The following SERPINB1 variants were observed in gnomAD, a reference collection of about 807,000 sequenced individuals.
SERPINB1 encodes the protein leukocyte elastase inhibitor.
Under a neutral mutation model 25.9 loss-of-function variants are expected in SERPINB1, and 23 were observed. The ratio of observed to expected loss-of-function variants is 0.89; its 90% CI spans 0.64 to 1.26. The LOEUF is 1.26. Ranked by LOEUF, SERPINB1 falls within the 50% of genes most tolerant of loss-of-function variation. SERPINB1 has a pLI of 0.00. For missense variants in SERPINB1, 399 were observed against 463.6 expected (o/e 0.86, Z 1.28); for synonymous variants, 178 against 178.7 (o/e 1.00, Z 0.03).
chr6:2,838,022 A>AAT (rs753485744), intron 3 of SERPINB1, 23 bp from the exon 4 acceptor site: 70 of 1,482,260 alleles, frequency 4.7e-5, no homozygotes, highest in Admixed American at 2.4e-4. Flanking sequence ...AGGAAAAGGA[A>AAT]ATATATATAT....
rs746019772 is a variant in SERPINB1 at position 2,840,499 on chromosome 6, TGAA to T, written c.85_87del (p.Phe29del). On this transcript the variant is annotated inframe_deletion, in exon 2 of 7. Transcript: ENST00000380739. ...GCAGATGAAATGCTGAAGGGAGAGA[TGAA>T]GATGTTTCCAGCCGGATTGTTCTCA... The T allele has an allele frequency of 6.8e-6, 11 of 1,613,984 alleles. No individual in the cohort carries two copies. Among genetic ancestry groups the T allele is most frequent in the Non-Finnish European group, 8.5e-6 (10 of 1,179,996 alleles).
chr6:2,836,589 GA>G (rs997462656), intron 4 of SERPINB1, among the ~76,000 whole-genome samples: 5 of 128,782 alleles, frequency 3.9e-5, no homozygotes, highest in South Asian at 2.6e-4. Flanking sequence ...TTCTTTTTTA[GA>G]AAAAAAAAAT....
rs192546294 is a variant in SERPINB1, at chr6:2,838,023, A to G, written c.307-24T>C. The G allele has an allele frequency of 7.1e-4, 1,051 of 1,470,814 alleles. 5 individuals carry two copies. In the African/African-American group the frequency reaches 0.013, roughly 18 times the overall value. 91.1% of individuals were successfully genotyped at this position (1,470,814 alleles called of 1,614,324 possible). On this transcript the variant is annotated intron_variant, in intron 3 of 6. Coordinates refer to ENST00000380739, the MANE Select transcript of SERPINB1 (RefSeq NM_030666.4). The stretch of plus-strand genomic sequence containing the variant: ...TCCTATTAAAAAAAAGGAAAAGGAA[A>G]TATATATATAACTCCTACTACATAT...
chr6:2,839,494 CAG>C (rs1197954702), intron 2 of SERPINB1: 2 of 977,100 alleles, frequency 2.0e-6, no homozygotes, highest in Admixed American at 1.3e-4. Context: ...CAATTAGTAA[CAG>C]AGGTTTTTTT....
intron 2 of SERPINB1, among the ~76,000 whole-genome samples, 180 bp downstream of exon 2, chr6:2,840,239 G>T (rs897326890): frequency 6.6e-6 from 1 of 152,078 alleles, no homozygotes; most frequent in African/African-American, 2.4e-5. Context: ...AGGTACTTAG[G>T]AAAAACCTGA....
chr6:2,837,935 GCAT>G lies in SERPINB1; in HGVS notation c.368_370del (p.His123_Ala124delinsPro). Reference sequence around the variant, plus strand: ...TATGGTCTTCCTTGCATCTTCAGAGGCATGCTGAAAATCCACACTGGCCAGGTC... The same window carrying G: ...TATGGTCTTCCTTGCATCTTCAGAGGGCTGAAAATCCACACTGGCCAGGTC... On this transcript the variant is annotated inframe_deletion, in exon 4 of 7. Coordinates refer to ENST00000380739, the MANE Select transcript of SERPINB1 (RefSeq NM_030666.4). This position sits in a 1 kb window ranked among gnomAD's most constrained non-coding sequence, Gnocchi z 4.3. 1 of 1,613,898 alleles carries G rather than the reference GCAT, an allele frequency of 6.2e-7. No individual in the cohort carries two copies. The highest frequency in any genetic ancestry group is 8.5e-7 in the Non-Finnish European group (1 of 1,179,966).
Position 2,841,126 on chromosome 6 carries a change from A to C in SERPINB1, c.-8-532T>G, listed in dbSNP as rs1044201189. ...TCACTGTAATTATTATAATAATATA[A>C]TTCTTCCTTATTTTTGAGGTTCAAA... On this transcript the variant is annotated intron_variant, in intron 1 of 6. Coordinates refer to ENST00000380739, the MANE Select transcript of SERPINB1 (RefSeq NM_030666.4). This position sits in a 1 kb window ranked among gnomAD's most constrained non-coding sequence, Gnocchi z 4.5. 2 of 152,198 alleles carry C rather than the reference A, an allele frequency of 1.3e-5. No individual in the cohort carries two copies. The highest frequency in any genetic ancestry group is 4.8e-5 in the African/African-American group (2 of 41,438). The allele number at this position is 152,198 out of a possible 1,614,324, so 9.4% of individuals were successfully genotyped here.
chr6:2,836,708 G>A (rs1766503209), intron 4 of SERPINB1, among the ~76,000 whole-genome samples: 1 of 152,106 alleles, frequency 6.6e-6, no homozygotes, highest in Non-Finnish European at 1.5e-5. Context: ...GGCAGAACAA[G>A]ACCAAGCATG....
chr6:2,840,308 TA>T, intron 2 of SERPINB1, 110 bp downstream of exon 2: 1 of 1,299,194 alleles, frequency 7.7e-7, no homozygotes, highest in Non-Finnish European at 1.1e-6. Context: ...CTCATAAAAA[TA>T]CAGTTCTGAA....
intron 3 of SERPINB1, among the ~76,000 whole-genome samples, 189 bp from the exon 4 acceptor site, chr6:2,838,188 C>G (rs1766550341): frequency 6.6e-6 from 1 of 152,070 alleles, no homozygotes; most frequent in Non-Finnish European, 1.5e-5. Context: ...CGATCTTAGC[C>G]ACTTTTAACT....
rs1370789940 is a variant in SERPINB1 at position 2,836,153 on chromosome 6, T to C, written c.522A>G (p.Lys174=). The change falls in exon 5 of 7, where the codon AAA becomes AAG. Residue 174 remains lysine (K), a synonymous_variant. Coordinates refer to ENST00000380739, the MANE Select transcript of SERPINB1 (RefSeq NM_030666.4). ...CATTCGTCGTGGCTTCTTTCATGAATTTATCCTTCCAGTTTCCCTTGAAAT... is the reference window on the plus strand; with the variant it reads ...CATTCGTCGTGGCTTCTTTCATGAACTTATCCTTCCAGTTTCCCTTGAAAT... ...AIYFKGNWKD[K]FMKEATTNAP... is the part of the protein sequence containing the mutation. 6.2e-7 allele frequency: 1 copy of C among 1,614,046 alleles called. No homozygotes were observed. The highest frequency in any genetic ancestry group is 1.3e-5 in the African/African-American group (1 of 74,902).
At chr6:2,839,627 G>C (rs1177192751) in intron 2 of SERPINB1, among the ~76,000 whole-genome samples, 1 of 152,204 alleles carries the variant, frequency 6.6e-6, no homozygotes, top group Non-Finnish European at 1.5e-5. Flanking sequence ...AACAGGTGCA[G>C]TGTAATTTGC....
chr6:2,836,041 A>G lies in SERPINB1; in HGVS notation c.568-18T>C. 6.2e-7 allele frequency: 1 copy of G among 1,613,952 alleles called. No homozygotes were observed. Among genetic ancestry groups the G allele is most frequent in the Non-Finnish European group, 8.5e-7 (1 of 1,179,932 alleles). On this transcript the variant is annotated intron_variant, in intron 5 of 6. Transcript: ENST00000380739. Reference sequence around the variant, plus strand: ...CTGTCTTTCTGAACAGTTTTAAAAAATCACTGAAATTATTCTCTGCATTCT... The same window carrying G: ...CTGTCTTTCTGAACAGTTTTAAAAAGTCACTGAAATTATTCTCTGCATTCT...
chr6:2,838,097 G>T, intron 3 of SERPINB1, 98 bp from the exon 4 acceptor site: 1 of 806,486 alleles, frequency 1.2e-6, no homozygotes, highest in Non-Finnish European at 2.0e-6. Context: ...TGTCCTAAAA[G>T]GCTACAATTC....
Position 2,837,950 on chromosome 6 carries a change from A to C in SERPINB1, c.356T>G (p.Val119Gly). The change falls in exon 4 of 7, where the codon GTG becomes GGG. Residue 119 changes from valine (V) to glycine (G), a missense_variant. Val to Gly is a moderately radical substitution (Grantham distance 109). Transcript: ENST00000380739. This position sits in a 1 kb window ranked among gnomAD's most constrained non-coding sequence, Gnocchi z 4.3. Reference protein sequence around the residue: ...QKTYGADLASVDFQHASEDAR... With the variant: ...QKTYGADLASGDFQHASEDAR... ...ATCTTCAGAGGCATGCTGAAAATCC[A>C]CACTGGCCAGGTCAGCACCATATGT... is the stretch of plus-strand genomic sequence containing the variant. The C allele has an allele frequency of 6.2e-7, 1 of 1,614,086 alleles. No homozygotes were observed. Among genetic ancestry groups the C allele is most frequent in the Non-Finnish European group, 8.5e-7 (1 of 1,180,022 alleles).
chr6:2,837,177 T>C lies in SERPINB1; in HGVS notation c.424+705A>G, dbSNP rs1018025046. Among the ~76,000 whole-genome samples the C allele has an allele frequency of 1.3e-5, 2 of 152,248 alleles. No individual in the cohort carries two copies. The highest frequency in any genetic ancestry group is 2.4e-5 in the African/African-American group (1 of 41,468). On this transcript the variant is annotated intron_variant, in intron 4 of 6. Transcript: ENST00000380739. The surrounding 1 kb of genome is among the most constrained non-coding windows in gnomAD (Gnocchi z 4.3). Reference sequence around the variant, plus strand: ...AAATTCCAGGACATTTCTTTCCATATGAGTATTAGGTAATTTTTGGCAGGC... The same window carrying C: ...AAATTCCAGGACATTTCTTTCCATACGAGTATTAGGTAATTTTTGGCAGGC...
intron 1 of SERPINB1, among the ~76,000 whole-genome samples, 164 bp from the exon 2 acceptor site, chr6:2,840,758 C>G (rs1766625101): frequency 3.9e-5 from 6 of 152,202 alleles, no homozygotes; most frequent in Admixed American, 3.9e-4. Context: ...AGAACACTTT[C>G]CCAGGCCCAC....
chr6:2,840,451 TCC>T lies in SERPINB1; in HGVS notation c.134_135del (p.Gly45AspfsTer4). On this transcript the variant is annotated frameshift_variant, in exon 2 of 7. Transcript: ENST00000380739. LOFTEE classifies it high-confidence loss of function. ...AGCTGTGCTGCCGTGTTACCTCTGG[TCC>T]CCAGAAAAACCATGGCCATAGCAGA... is the stretch of plus-strand genomic sequence containing the variant. ...ISSAMAMVFL[G>X]TRGNTAAQLS... The T allele has an allele frequency of 6.2e-7, 1 of 1,614,066 alleles. No homozygotes were observed. Among genetic ancestry groups the T allele is most frequent in the Non-Finnish European group, 8.5e-7 (1 of 1,179,996 alleles).
At chr6:2,834,047 A>G (rs1457780408) in intron 6 of SERPINB1, 35 bp from the exon 7 acceptor site, 1 of 1,538,522 alleles carries the variant, frequency 6.5e-7, no homozygotes, top group South Asian at 1.2e-5. Context: ...AGGAAGTGAT[A>G]TCAATTTTAC....
Sources: gnomAD v4.1 joint callset for allele counts (sites outside exome capture counted in the v4.1 genomes callset) on GRCh38, gnomAD v4.1.1 for gene constraint, Gnocchi (gnomAD v3.1) non-coding constraint, MANE v1.5 for transcripts, NCBI Gene and HGNC (gene_info 2026-07-23, HGNC 2026-07-21) for gene names.